The following AP2A1 variants were observed in gnomAD, a reference collection of about 807,000 sequenced individuals.
AP2A1 encodes AP-2 complex subunit alpha-1.
Under a neutral mutation model 107.3 loss-of-function variants are expected in AP2A1, and 21 were observed. The observed-to-expected ratio is 0.20, with a 90% CI of 0.14 to 0.28. The LOEUF (loss-of-function observed/expected upper bound fraction) is 0.28. AP2A1 is among the 10% of genes least tolerant of loss of function. AP2A1 has a pLI of 1.00. For synonymous variants in AP2A1, 602 were observed against 564.8 expected (o/e 1.07, Z -0.93); for missense variants, 873 against 1,307.7 (o/e 0.67, Z 5.13).
intron 1 of AP2A1, among the ~76,000 whole-genome samples, chr19:49,772,915 G>T (rs951529242): frequency 1.3e-5 from 2 of 151,986 alleles, no homozygotes; most frequent in Non-Finnish European, 2.9e-5. Flanking sequence ...GTGGGCAGAG[G>T]CTAGGTCCGT....
At chr19:49,804,594 A>T (rs2073337313) in intron 18 of AP2A1, 1 of 152,002 alleles carries the variant, frequency 6.6e-6, no homozygotes, top group Non-Finnish European at 1.5e-5. Flanking sequence ...TCGTGCAGGC[A>T]GCTCAGTGGA....
At position 49,788,040 on chromosome 19, in the gene AP2A1, A is replaced by G. The variant is rs191691602; in HGVS notation, c.474-3895A>G. On this transcript the variant is annotated intron_variant, in intron 4 of 22. Coordinates refer to ENST00000354293, the MANE Select transcript of AP2A1 (RefSeq NM_130787.3). The surrounding 1 kb of genome is among the most constrained non-coding windows in gnomAD (Gnocchi z 4.5). ...TAGCTAACTGCAGCCCTGACCTCCCAGGCTCAGGTGATCCTCCCACGTCAG... is the reference window on the plus strand; with the variant it reads ...TAGCTAACTGCAGCCCTGACCTCCCGGGCTCAGGTGATCCTCCCACGTCAG... Among the ~76,000 whole-genome samples the G allele has an allele frequency of 5.9e-5, 9 of 152,270 alleles. No homozygotes were observed. The East Asian group carries it at 1.7e-3, about 29-fold the overall frequency.
In AP2A1 at chr19:49,785,294, C is replaced by T. The variant is rs1377394868; in HGVS notation, c.473+2570C>T. Among the ~76,000 whole-genome samples the T allele has an allele frequency of 1.3e-5, 2 of 152,108 alleles. No homozygotes were observed. The highest frequency in any genetic ancestry group is 4.8e-5 in the African/African-American group (2 of 41,400). On this transcript the variant is annotated intron_variant, in intron 4 of 22. Transcript: ENST00000354293. This position sits in a 1 kb window ranked among gnomAD's most constrained non-coding sequence, Gnocchi z 4.1. ...CTGTCACCAGGTCCAGGTCAGAGCT[C>T]GCGGTGGCTTGGACCAGGGCTGTGG...
At chr19:49,772,640 C>T (rs1324164782) in intron 1 of AP2A1, among the ~76,000 whole-genome samples, 3 of 151,894 alleles carry the variant, frequency 2.0e-5, no homozygotes, top group Non-Finnish European at 2.9e-5. Context: ...GGACTACAGG[C>T]GCCCGCCAAC....
At chr19:49,799,946 C>T (rs1324892173) in intron 10 of AP2A1, 22 bp from the exon 11 acceptor site, 1 of 1,610,668 alleles carries the variant, frequency 6.2e-7, no homozygotes. Flanking sequence ...GGCACACTCT[C>T]TCTCACACGC....
chr19:49,806,358 CCCT>C (rs142104717), intron 22 of AP2A1, 105 bp downstream of exon 22: 649,276 of 1,366,848 alleles, frequency 0.48, 138,834 homozygotes, highest in South Asian at 0.62. Flanking sequence ...CCCACTTTGA[CCCT>C]CCTCCTCTCA....
At chr19:49,773,586 A>C (rs1357173467) in intron 1 of AP2A1, among the ~76,000 whole-genome samples, 6 of 152,194 alleles carry the variant, frequency 3.9e-5, no homozygotes, top group African/African-American at 1.4e-4. Context: ...CAGTGAGCAG[A>C]AGTTCCTGCC....
Position 49,799,620 on chromosome 19 carries a change from C to T in AP2A1, c.1135-9C>T, listed in dbSNP as rs757374551. The T allele has an allele frequency of 1.7e-5, 28 of 1,607,658 alleles. No individual in the cohort carries two copies. Among genetic ancestry groups the T allele is most frequent in the Non-Finnish European group, 2.3e-5 (27 of 1,179,346 alleles). ...TAAAACACACCTGGGCTCTGCTCTC[C>T]GCCCTCAGACGGAGCGGGACGTCAG... On this transcript the variant is annotated splice_polypyrimidine_tract_variant and intron_variant, in intron 9 of 22. Coordinates refer to ENST00000354293, the MANE Select transcript of AP2A1 (RefSeq NM_130787.3).
chr19:49,770,273 G>T (rs948442319), intron 1 of AP2A1, among the ~76,000 whole-genome samples: 1 of 152,152 alleles, frequency 6.6e-6, no homozygotes, highest in Non-Finnish European at 1.5e-5. Context: ...CCCCAGAGAC[G>T]AGCCAGAGGA....
Position 49,800,711 on chromosome 19 carries a change from T to C in AP2A1, c.1456-250T>C, listed in dbSNP as rs528949184. Reference sequence around the variant, plus strand: ...GTTTGAAACTCCTGAGCTCAGGCAATCTGCCCGCCTCGGCCTCCCAAAGTA... The same window carrying C: ...GTTTGAAACTCCTGAGCTCAGGCAACCTGCCCGCCTCGGCCTCCCAAAGTA... On this transcript the variant is annotated intron_variant, in intron 11 of 22. Transcript: ENST00000354293. 52 of 406,376 alleles carry C rather than the reference T, an allele frequency of 1.3e-4. No individual in the cohort carries two copies. The South Asian group carries it at 1.6e-3, about 12-fold the overall frequency. The allele number at this position is 406,376 out of a possible 1,614,324, so 25.2% of individuals were successfully genotyped here.
At chr19:49,806,447 T>C in intron 22 of AP2A1, 194 bp downstream of exon 22, 1 of 1,436,318 alleles carries the variant, frequency 7.0e-7, no homozygotes, top group Non-Finnish European at 9.1e-7. Context: ...GTTCCTCTCC[T>C]CTTCCTGTCC....
At chr19:49,777,300 A>G (rs1338670573) in intron 1 of AP2A1, among the ~76,000 whole-genome samples, 2 of 152,070 alleles carry the variant, frequency 1.3e-5, no homozygotes, top group African/African-American at 4.8e-5. Context: ...ATTTGTATAT[A>G]TATGTAAATA....
In AP2A1 at chr19:49,781,837, G is replaced by T. The variant is rs373610852; in HGVS notation, c.136+12G>T. 8.1e-6 allele frequency: 13 copies of T among 1,610,422 alleles called. No homozygotes were observed. The African/African-American group carries it at 1.2e-4, about 15-fold the overall frequency. ...CTCCAAGTTCAAAGGTAGGCTGGGG[G>T]CCCAACTTCTGGTTCTGAGGGAGGA... On this transcript the variant is annotated intron_variant, in intron 2 of 22. Transcript: ENST00000354293.
At position 49,805,551 on chromosome 19, in the gene AP2A1, C is replaced by G. The variant is rs2073358420; in HGVS notation, c.2443C>G (p.Pro815Ala). ...CGAGTGCCTGCGGGACTTCCTGACGCCCCCGCTGCTGTCCGTGCGCTTCCG... is the reference window on the plus strand; with the variant it reads ...CGAGTGCCTGCGGGACTTCCTGACGGCCCCGCTGCTGTCCGTGCGCTTCCG... ...NIECLRDFLT[P>A]PLLSVRFRYG... is the part of the protein sequence containing the mutation. Residue 815 changes from proline (P) to alanine (A), a missense_variant, in exon 19 of 23, where the codon CCC becomes GCC. By Grantham distance (27) the Pro-to-Ala change is conservative (BLOSUM62 -1). This residue lies in a region of AP2A1 where 416 missense variants were observed against 473.4 expected (regional missense o/e 0.88). Transcript: ENST00000354293. 1.9e-6 allele frequency: 3 copies of G among 1,577,504 alleles called. No individual in the cohort carries two copies. In the African/African-American group the frequency reaches 4.0e-5, roughly 21 times the overall value.
chr19:49,767,544 A>C (rs185575095), intron 1 of AP2A1, among the ~76,000 whole-genome samples: 1 of 152,176 alleles, frequency 6.6e-6, no homozygotes, highest in East Asian at 1.9e-4. Context: ...GGGATTCCCA[A>C]TGTAGAGAAG....
At position 49,797,095 on chromosome 19, in the gene AP2A1, C is replaced by T. The variant is rs1195118684; in HGVS notation, c.814+1357C>T. The T allele has an allele frequency of 4.6e-5, 7 of 152,258 alleles. 1 individual carries two copies. The highest frequency in any genetic ancestry group is 3.9e-4 in the Admixed American group (6 of 15,274). The allele number at this position is 152,258 out of a possible 1,614,324, so 9.4% of individuals were successfully genotyped here. ...AAGCCCATGACCACCCCAGAAGGCC[C>T]AGCTGGTAATTCTGGGGTACACCCA... On this transcript the variant is annotated intron_variant, in intron 7 of 22. Transcript: ENST00000354293.
Position 49,805,590 on chromosome 19 carries a change from G to A in AP2A1, c.2468+14G>A, listed in dbSNP as rs775554842. ...CGTGCGCTTCCGGTGAGTCAGGTAC[G>A]GCGCGGCCGGTGGGCGGAGCCTCCG... On this transcript the variant is annotated intron_variant, in intron 19 of 22. Transcript: ENST00000354293. 1.3e-6 allele frequency: 2 copies of A among 1,565,150 alleles called. No individual in the cohort carries two copies. Among genetic ancestry groups the A allele is most frequent in the Non-Finnish European group, 1.7e-6 (2 of 1,154,740 alleles).
chr19:49,798,137 G>C (rs2123740715), intron 7 of AP2A1, among the ~76,000 whole-genome samples: 1 of 152,266 alleles, frequency 6.6e-6, no homozygotes, highest in East Asian at 1.9e-4. Flanking sequence ...TTTTTTGCTG[G>C]AACGCTTGAC....
intron 4 of AP2A1, among the ~76,000 whole-genome samples, chr19:49,786,430 C>CTCAGTTTGG (rs1260438644): frequency 6.1e-4 from 93 of 152,334 alleles, no homozygotes; most frequent in African/African-American, 2.2e-3. Context: ...AGTTTGGACT[C>CTCAGTTTGG]GCTGCAGTTC....
Sources: gnomAD v4.1 joint callset for allele counts (sites outside exome capture counted in the v4.1 genomes callset) on GRCh38, gnomAD v4.1.1 for gene constraint, gnomAD v4.1.1 regional missense constraint, Gnocchi (gnomAD v3.1) non-coding constraint, MANE v1.5 for transcripts, NCBI Gene and HGNC (gene_info 2026-07-23, HGNC 2026-07-21) for gene names.